BRIP1: variants seen among roughly 807,000 people sequenced by gnomAD.
BRIP1 encodes Fanconi anemia group J protein.
In BRIP1, 88 loss-of-function variants were observed where a neutral mutation model predicts 119.7. That is an observed-to-expected ratio of 0.74 (90% CI 0.62 to 0.88). The LOEUF is 0.88. Ranked by LOEUF, BRIP1 falls within the 40% of genes least tolerant of loss-of-function variation. BRIP1 has a pLI of 0.00. For missense variants in BRIP1, 1,259 were observed against 1,455.4 expected, an observed-to-expected ratio of 0.87 and a Z score of 2.20; for synonymous variants, 443 against 496.5, an observed-to-expected ratio of 0.89 and a Z score of 1.43.
rs992195264 is a variant in BRIP1, at chr17:61,681,882, T to C, written c.*1414A>G. 8 of 198,610 alleles carry C rather than the reference T, an allele frequency of 4.0e-5. No homozygotes were observed. The highest frequency in any genetic ancestry group is 1.8e-4 in the African/African-American group (8 of 43,518). The allele number at this position is 198,610 out of a possible 1,614,324, so 12.3% of individuals were successfully genotyped here. On this transcript the variant is annotated 3_prime_UTR_variant, in exon 20 of 20. Coordinates refer to ENST00000259008, the MANE Select transcript of BRIP1 (RefSeq NM_032043.3). The surrounding 1 kb of genome is among the most constrained non-coding windows in gnomAD (Gnocchi z 5.1). ...ATGTAAAGTAAATCCTTACTGGAAA[T>C]TTTGACTTGAAAATAATAGACCATA... is the stretch of plus-strand genomic sequence containing the variant.
chr17:61,681,191 C>G lies in BRIP1; in HGVS notation c.*2105G>C, dbSNP rs934687230. 1.6e-5 allele frequency: 3 copies of G among 183,904 alleles called. No individual in the cohort carries two copies. Among genetic ancestry groups the G allele is most frequent in the African/African-American group, 8.2e-5 (3 of 36,434 alleles). 11.4% of individuals were successfully genotyped at this position (183,904 alleles called of 1,614,324 possible). ...CGTCGGGATTATGGGAACTACAATT[C>G]AAGATGAGATCTGGCTGGGGACATA... On this transcript the variant is annotated 3_prime_UTR_variant, in exon 20 of 20. Coordinates refer to ENST00000259008, the MANE Select transcript of BRIP1 (RefSeq NM_032043.3). The surrounding 1 kb of genome is among the most constrained non-coding windows in gnomAD (Gnocchi z 5.1).
In BRIP1 at chr17:61,743,265, T is replaced by C. The variant is rs1038705630; in HGVS notation, c.2258-131A>G. The C allele has an allele frequency of 1.7e-6, 2 of 1,189,700 alleles. No individual in the cohort carries two copies. Among genetic ancestry groups the C allele is most frequent in the East Asian group, 5.2e-5 (2 of 38,150 alleles). The allele number at this position is 1,189,700 out of a possible 1,614,324, so 73.7% of individuals were successfully genotyped here. ...AAATAATCAAAATAAAACACTATTA[T>C]GAGATAAAGTTTTAAAAGTTCAATG... On this transcript the variant is annotated intron_variant, in intron 15 of 19. Coordinates refer to ENST00000259008, the MANE Select transcript of BRIP1 (RefSeq NM_032043.3). This position sits in a 1 kb window ranked among gnomAD's most constrained non-coding sequence, Gnocchi z 4.3.
rs2077947527 is a variant in BRIP1, at chr17:61,799,147, C to T, written c.1293G>A (p.Arg431=). 1.2e-6 allele frequency: 2 copies of T among 1,613,592 alleles called. No individual in the cohort carries two copies. Among genetic ancestry groups the T allele is most frequent in the East Asian group, 4.5e-5 (2 of 44,872 alleles). ...ELDSMVNNNI[R]KKDHEPLRAV... ...CTCGTAGGGGTTCATGATCTTTCTT[C>T]CTTATATTATTGTTGACCATACTAT... The change falls in exon 9 of 20, where the codon AGG becomes AGA. Residue 431 remains arginine, a synonymous_variant. Transcript: ENST00000259008. This position sits in a 1 kb window ranked among gnomAD's most constrained non-coding sequence, Gnocchi z 5.1.
In BRIP1 at chr17:61,848,670, T is replaced by C. The variant is rs2078770033; in HGVS notation, c.507+459A>G. On this transcript the variant is annotated intron_variant, in intron 5 of 19. Transcript: ENST00000259008. The surrounding 1 kb of genome is among the most constrained non-coding windows in gnomAD (Gnocchi z 4.3). ...TTTTAGTAATTTTTAGAAATAAATA[T>C]ACATATTTTATCATGTATCAATCTT... Among the ~76,000 whole-genome samples, 1 of 152,212 alleles carries C rather than the reference T, an allele frequency of 6.6e-6. No homozygotes were observed. Among genetic ancestry groups the C allele is most frequent in the Admixed American group, 6.5e-5 (1 of 15,278 alleles).
In BRIP1 at chr17:61,717,752, A is replaced by AAT. The variant is rs2061903484; in HGVS notation, c.2380-1691_2380-1690dup. ...AAAATTTTCAGCCATTATTTCTCTAAATATATATATTATTCTGCCTCGAAA... is the reference window on the plus strand; with the variant it reads ...AAAATTTTCAGCCATTATTTCTCTAAATATATATATATTATTCTGCCTCGAAA... On this transcript the variant is annotated intron_variant, in intron 16 of 19. Coordinates refer to ENST00000259008, the MANE Select transcript of BRIP1 (RefSeq NM_032043.3). The surrounding 1 kb of genome is among the most constrained non-coding windows in gnomAD (Gnocchi z 4.1). Among the ~76,000 whole-genome samples, 1 of 151,916 alleles carries AAT rather than the reference A, an allele frequency of 6.6e-6. No individual in the cohort carries two copies.
chr17:61,733,683 TA>T (rs1055941487), intron 16 of BRIP1, among the ~76,000 whole-genome samples: 3 of 151,852 alleles, frequency 2.0e-5, no homozygotes, highest in African/African-American at 7.3e-5. Flanking sequence ...ATAAGTTTCC[TA>T]AACAAAAAAA....
Position 61,778,367 on chromosome 17 carries a change from CAG to C in BRIP1, c.1936-1807_1936-1806del, listed in dbSNP as rs2077566152. On this transcript the variant is annotated intron_variant, in intron 13 of 19. Coordinates refer to ENST00000259008, the MANE Select transcript of BRIP1 (RefSeq NM_032043.3). This position sits in a 1 kb window ranked among gnomAD's most constrained non-coding sequence, Gnocchi z 4.4. ...ATAGAGAGCTGTTGTTTAATGGGAA[CAG>C]AGTTTCAGTTTTTCAAGAGGAGAAA... Among the ~76,000 whole-genome samples the C allele has an allele frequency of 6.6e-6, 1 of 152,098 alleles. No individual in the cohort carries two copies. The highest frequency in any genetic ancestry group is 1.5e-5 in the Non-Finnish European group (1 of 68,030).
rs994759029 is a variant in BRIP1, at chr17:61,814,285, A to G, written c.628-5528T>C. Among the ~76,000 whole-genome samples, 2 of 152,094 alleles carry G rather than the reference A, an allele frequency of 1.3e-5. No homozygotes were observed. The highest frequency in any genetic ancestry group is 4.8e-5 in the African/African-American group (2 of 41,466). ...GTTAAACTTCTATTTAAAGATACAT[A>G]TTCCTTAAAGAAGGAAAGAAAAATA... On this transcript the variant is annotated intron_variant, in intron 6 of 19. Transcript: ENST00000259008. The surrounding 1 kb of genome is among the most constrained non-coding windows in gnomAD (Gnocchi z 4.9).
At position 61,739,116 on chromosome 17, in the gene BRIP1, GA is replaced by G. The variant is rs1006808503; in HGVS notation, c.2379+3896del. 5 of 177,048 alleles carry G rather than the reference GA, an allele frequency of 2.8e-5. No individual in the cohort carries two copies. The highest frequency in any genetic ancestry group is 9.5e-5 in the African/African-American group (4 of 42,242). 11.0% of individuals were successfully genotyped at this position (177,048 alleles called of 1,614,324 possible). On this transcript the variant is annotated intron_variant, in intron 16 of 19. Transcript: ENST00000259008. This position sits in a 1 kb window ranked among gnomAD's most constrained non-coding sequence, Gnocchi z 6.0. Reference sequence around the variant, plus strand: ...ATATTGGAAGAAGATGTGGTCTAAAGAAGGGAAAAGGATTCTTTCCACTTTA... The same window carrying G: ...ATATTGGAAGAAGATGTGGTCTAAAGAGGGAAAAGGATTCTTTCCACTTTA...
Position 61,724,067 on chromosome 17 carries a change from C to T in BRIP1, c.2380-8004G>A, listed in dbSNP as rs2062025220. On this transcript the variant is annotated intron_variant, in intron 16 of 19. Transcript: ENST00000259008. This position sits in a 1 kb window ranked among gnomAD's most constrained non-coding sequence, Gnocchi z 5.1. ...TTCATAATTGAAGGTCAAGTTTGTA[C>T]CAAATGTAAAGCTCCCTTACTATGA... Among the ~76,000 whole-genome samples, 1 of 151,904 alleles carries T rather than the reference C, an allele frequency of 6.6e-6. No individual in the cohort carries two copies. The highest frequency in any genetic ancestry group is 1.5e-5 in the Non-Finnish European group (1 of 67,980).
chr17:61,739,440 T>C lies in BRIP1; in HGVS notation c.2379+3573A>G, dbSNP rs780111177. 1.9e-4 allele frequency: 34 copies of C among 183,010 alleles called. No individual in the cohort carries two copies. Among genetic ancestry groups the C allele is most frequent in the Non-Finnish European group, 2.9e-4 (25 of 86,032 alleles). 11.3% of individuals were successfully genotyped at this position (183,010 alleles called of 1,614,324 possible). ...AGAAAGGTAGTAGAAACCACCAAAG[T>C]TACTGGAGGCTGAAAAAGTATTAGA... On this transcript the variant is annotated intron_variant, in intron 16 of 19. Transcript: ENST00000259008. The surrounding 1 kb of genome is among the most constrained non-coding windows in gnomAD (Gnocchi z 6.0).
rs2077510271 is a variant in BRIP1 at position 61,774,828 on chromosome 17, G to GT, written c.2097+1572dup. Among the ~76,000 whole-genome samples, 1 of 152,096 alleles carries GT rather than the reference G, an allele frequency of 6.6e-6. No homozygotes were observed. Among genetic ancestry groups the GT allele is most frequent in the Non-Finnish European group, 1.5e-5 (1 of 68,020 alleles). ...AGTTATTTCAATGTTATAGTCTCTA[G>GT]TCACCCAATTATAAATGTCTGTAAC... On this transcript the variant is annotated intron_variant, in intron 14 of 19. Transcript: ENST00000259008. This position sits in a 1 kb window ranked among gnomAD's most constrained non-coding sequence, Gnocchi z 5.8.
intron 17 of BRIP1, among the ~76,000 whole-genome samples, chr17:61,714,012 G>A (rs2061820687): frequency 6.6e-6 from 1 of 151,832 alleles, no homozygotes; most frequent in Admixed American, 6.6e-5. Context: ...AGTTTATAAA[G>A]TAAAAAAGTT....
At chr17:61,773,103 A>T (rs549985825) in intron 14 of BRIP1, among the ~76,000 whole-genome samples, 2 of 152,078 alleles carry the variant, frequency 1.3e-5, no homozygotes, top group African/African-American at 4.8e-5. Context: ...GGTTTTAATG[A>T]TATGTATTAT....
rs142654742 is a variant in BRIP1 at position 61,695,540 on chromosome 17, G to T, written c.2493-2028C>A. On this transcript the variant is annotated intron_variant, in intron 17 of 19. Coordinates refer to ENST00000259008, the MANE Select transcript of BRIP1 (RefSeq NM_032043.3). This position sits in a 1 kb window ranked among gnomAD's most constrained non-coding sequence, Gnocchi z 4.3. ...CTGCCAGAAAGTCAGCTGGGATTTT[G>T]ATTAGTATTGTATTTAACCTCTATA... Among the ~76,000 whole-genome samples the T allele has an allele frequency of 5.6e-3, 848 of 152,188 alleles. 11 individuals carry two copies. The highest frequency in any genetic ancestry group is 0.02 in the African/African-American group (811 of 41,542).
chr17:61,779,743 G>T (rs1387550567), intron 13 of BRIP1, among the ~76,000 whole-genome samples: 3 of 152,134 alleles, frequency 2.0e-5, no homozygotes, highest in South Asian at 4.2e-4. Context: ...ATCATTTGAG[G>T]GCAGGAGTTC....
At chr17:61,800,984 T>C (rs1048437323) in intron 8 of BRIP1, among the ~76,000 whole-genome samples, 7 of 152,184 alleles carry the variant, frequency 4.6e-5, no homozygotes, top group African/African-American at 1.7e-4. Flanking sequence ...AAATAATTCT[T>C]TTTGAATATT....
chr17:61,716,835 A>ATTTCCACTACTGGTTTT (rs2061885948), intron 16 of BRIP1, among the ~76,000 whole-genome samples: 2 of 13,522 alleles, frequency 1.5e-4, no homozygotes, highest in African/African-American at 4.8e-4. Context: ...CTACTGGATT[A>ATTTCCACTACTGGTTTT]TTAGCTATGT....
intron 6 of BRIP1, among the ~76,000 whole-genome samples, chr17:61,812,295 TCTTTC>T (rs1298575712): frequency 6.6e-6 from 1 of 152,214 alleles, no homozygotes; most frequent in Non-Finnish European, 1.5e-5. Context: ...ATCATGTTTA[TCTTTC>T]AAAAAGACTT....
Sources: allele counts gnomAD v4.1 joint callset (sites outside exome capture counted in the v4.1 genomes callset), GRCh38; gene constraint gnomAD v4.1.1; non-coding constraint Gnocchi (gnomAD v3.1); transcripts MANE v1.5; gene names NCBI Gene and HGNC (gene_info 2026-07-23, HGNC 2026-07-21).